Variants in MCFD2 observed in about 807,000 individuals in gnomAD.
MCFD2 encodes multiple coagulation factor deficiency 2, ER cargo receptor complex subunit.
A neutral mutation model predicts 12.8 loss-of-function variants in MCFD2; 11 were observed. The observed-to-expected ratio is 0.86, with a 90% CI of 0.54 to 1.42. The LOEUF is 1.42. Ranked by LOEUF, MCFD2 falls within the 40% of genes most tolerant of loss-of-function variation. The pLI, the probability that MCFD2 is intolerant of heterozygous loss-of-function variation, is 0.00. For missense variants in MCFD2, 191 were observed against 178.6 expected (o/e 1.07, Z -0.40); for synonymous variants, 70 against 68.1 (o/e 1.03, Z -0.14).
At chr2:46,938,331 T>C (rs1405930746) in intron 1 of MCFD2, among the ~76,000 whole-genome samples, 1 of 152,164 alleles carries the variant, frequency 6.6e-6, no homozygotes, top group African/African-American at 2.4e-5. Flanking sequence ...TTGATCACTA[T>C]TATACCTTTT....
At position 46,902,309 on chromosome 2, in the gene MCFD2, ACTT is replaced by A. The variant is rs1668046372; in HGVS notation, c.*3151_*3153del. ...TTCAACAATATCCCTCTTGACTAGAACTTCTATCTGATTAATCATTGTTTGGTG... is the reference window on the plus strand; with the variant it reads ...TTCAACAATATCCCTCTTGACTAGAACTATCTGATTAATCATTGTTTGGTG... On this transcript the variant is annotated 3_prime_UTR_variant, in exon 4 of 4. Coordinates refer to ENST00000319466, the MANE Select transcript of MCFD2 (RefSeq NM_139279.6). 6.5e-6 allele frequency: 1 copy of A among 152,678 alleles called. No homozygotes were observed. Among genetic ancestry groups the A allele is most frequent in the African/African-American group, 2.4e-5 (1 of 41,466 alleles). 9.5% of individuals were successfully genotyped at this position (152,678 alleles called of 1,614,324 possible). A position where few individuals can be genotyped will look rare whatever the true frequency, so the allele number is the denominator to read the frequency against.
rs910866772 is a variant in MCFD2, at chr2:46,908,744, T to C, written c.149+279A>G. 1 of 496,722 alleles carries C rather than the reference T, an allele frequency of 2.0e-6. No individual in the cohort carries two copies. The highest frequency in any genetic ancestry group is 3.7e-6 in the Non-Finnish European group (1 of 272,022). 30.8% of individuals were successfully genotyped at this position (496,722 alleles called of 1,614,324 possible). A position where few individuals can be genotyped will look rare whatever the true frequency, so the allele number is the denominator to read the frequency against. Reference sequence around the variant, plus strand: ...GTGTATGTGTACCTGTGTGTCTATTTGTATGTGTGTGTGTCTGTCTGTGGT... The same window carrying C: ...GTGTATGTGTACCTGTGTGTCTATTCGTATGTGTGTGTGTCTGTCTGTGGT... On this transcript the variant is annotated intron_variant, in intron 2 of 3. Transcript: ENST00000319466. The surrounding 1 kb of genome is among the most constrained non-coding windows in gnomAD (Gnocchi z 4.5).
At position 46,909,030 on chromosome 2, in the gene MCFD2, C is replaced by A; in HGVS notation, c.142G>T (p.Asp48Tyr). ...SMGLDKNTVHDQEHIMEHLEG... is the reference protein window; with the variant it reads ...SMGLDKNTVHYQEHIMEHLEG... ...CCCGGGCTGAATACGTACTCTTGGT[C>A]GTGCACTGTGTTCTTATCCAGGCCC... Residue 48 changes from aspartate to tyrosine, a missense_variant, in exon 2 of 4, where the codon GAC (aspartate) becomes TAC (tyrosine). By Grantham distance (160) the Asp-to-Tyr change is radical (BLOSUM62 -3). Transcript: ENST00000319466. 6.2e-7 allele frequency: 1 copy of A among 1,614,160 alleles called. No individual in the cohort carries two copies. The highest frequency in any genetic ancestry group is 1.1e-5 in the South Asian group (1 of 91,066).
rs1284851585 is a variant in MCFD2 at position 46,910,897 on chromosome 2, GAGCGT to G, written c.-6-1725_-6-1721del. ...CTCTACAAAAAATAAAAAATTAGCT[GAGCGT>G]AGCAGTGCACCCCTATAGTCCCAGC... On this transcript the variant is annotated intron_variant, in intron 1 of 3. Coordinates refer to ENST00000319466, the MANE Select transcript of MCFD2 (RefSeq NM_139279.6). 2.0e-5 allele frequency: 3 copies of G among 152,282 alleles called. No individual in the cohort carries two copies. The East Asian group carries it at 5.8e-4, about 29-fold the overall frequency. 9.4% of individuals were successfully genotyped at this position (152,282 alleles called of 1,614,324 possible). A position where few individuals can be genotyped will look rare whatever the true frequency, so the allele number is the denominator to read the frequency against.
chr2:46,908,786 C>T lies in MCFD2; in HGVS notation c.149+237G>A, dbSNP rs528658335. 122 of 565,756 alleles carry T rather than the reference C, an allele frequency of 2.2e-4. No homozygotes were observed. Among genetic ancestry groups the T allele is most frequent in the Non-Finnish European group, 3.2e-4 (101 of 316,716 alleles). 35.0% of individuals were successfully genotyped at this position (565,756 alleles called of 1,614,324 possible). On this transcript the variant is annotated intron_variant, in intron 2 of 3. Coordinates refer to ENST00000319466, the MANE Select transcript of MCFD2 (RefSeq NM_139279.6). This position sits in a 1 kb window ranked among gnomAD's most constrained non-coding sequence, Gnocchi z 4.5. ...GTCTGTGGTGAAAAAAAGGAGAGAC[C>T]GGATTCAGACAAGTAATGTGCCCCA...
upstream of MCFD2, among the ~76,000 whole-genome samples, chr2:46,917,008 G>C (rs1668836051): frequency 6.6e-6 from 1 of 151,986 alleles, no homozygotes; most frequent in African/African-American, 2.4e-5. Context: ...AATGAGCCTG[G>C]GTCCGGACAG....
intron 1 of MCFD2, among the ~76,000 whole-genome samples, chr2:46,926,551 A>G (rs72886673): frequency 5.8e-4 from 88 of 152,294 alleles, no homozygotes; most frequent in African/African-American, 1.8e-3. Context: ...CCGAATGTCA[A>G]TTGGTCTGAG....
rs559157260 is a variant in MCFD2 at position 46,907,114 on chromosome 2, A to G, written c.309+696T>C. 3.5e-4 allele frequency: 55 copies of G among 156,396 alleles called. No homozygotes were observed. The highest frequency in any genetic ancestry group is 1.2e-3 in the African/African-American group (49 of 41,602). The allele number at this position is 156,396 out of a possible 1,614,324, so 9.7% of individuals were successfully genotyped here. A position where few individuals can be genotyped will look rare whatever the true frequency, so the allele number is the denominator to read the frequency against. The stretch of plus-strand genomic sequence containing the variant: ...TTTGGAGCACCATACAGTATCACAC[A>G]AGCCCTCAATTACTGCCACGTCCCT... On this transcript the variant is annotated intron_variant, in intron 3 of 3. Transcript: ENST00000319466. The surrounding 1 kb of genome is among the most constrained non-coding windows in gnomAD (Gnocchi z 4.1).
chr2:46,927,279 A>G (rs1457679393), intron 1 of MCFD2, among the ~76,000 whole-genome samples: 1 of 152,156 alleles, frequency 6.6e-6, no homozygotes, highest in Non-Finnish European at 1.5e-5. Flanking sequence ...ATGAAAAGAA[A>G]CCTAAGCTAA....
chr2:46,914,227 C>T (rs1668600832), intron 1 of MCFD2: 1 of 152,316 alleles, frequency 6.6e-6, no homozygotes, highest in Admixed American at 6.5e-5. Flanking sequence ...CCCTTTCTTC[C>T]TGGTGTGTCA....
At chr2:46,932,873 C>T (rs1669782522) in intron 1 of MCFD2, among the ~76,000 whole-genome samples, 1 of 148,188 alleles carries the variant, frequency 6.7e-6, no homozygotes, top group South Asian at 2.1e-4. Context: ...TGCACTCCAG[C>T]CTGAGCAACA....
At position 46,915,805 on chromosome 2, in the gene MCFD2, C is replaced by CGGGGGGGGGGGGGGGGGGGGGGGGGGGGG; in HGVS notation, c.-90_-89insCCCCCCCCCCCCCCCCCCCCCCCCCCCCC. The CGGGGGGGGGGGGGGGGGGGGGGGGGGGGG allele has an allele frequency of 2.4e-5, 9 of 368,310 alleles. No homozygotes were observed. Among genetic ancestry groups the CGGGGGGGGGGGGGGGGGGGGGGGGGGGGG allele is most frequent in the Non-Finnish European group, 2.8e-5 (9 of 327,192 alleles). 22.8% of individuals were successfully genotyped at this position (368,310 alleles called of 1,614,324 possible). A position where few individuals can be genotyped will look rare whatever the true frequency, so the allele number is the denominator to read the frequency against. On this transcript the variant is annotated 5_prime_UTR_variant, in exon 1 of 4. Transcript: ENST00000319466. ...TCCCCAAAACGCTCTTCCTCGGCTT[C>CGGGGGGGGGGGGGGGGGGGGGGGGGGGGG]GCCCCGCCCCCCCCCCCCCCCCGAC...
chr2:46,939,109 C>G (rs1221755307), intron 1 of MCFD2, among the ~76,000 whole-genome samples: 1 of 151,888 alleles, frequency 6.6e-6, no homozygotes, highest in Non-Finnish European at 1.5e-5. Flanking sequence ...GATCCCGTCT[C>G]TACAAACAAA....
chr2:46,903,165 C>T lies in MCFD2; in HGVS notation c.*2298G>A, dbSNP rs1166253179. On this transcript the variant is annotated 3_prime_UTR_variant, in exon 4 of 4. Coordinates refer to ENST00000319466, the MANE Select transcript of MCFD2 (RefSeq NM_139279.6). Reference sequence around the variant, plus strand: ...GTGAATAAGTCTCATGAGATCTGATCAGTTTATCAGGGGTTTCTGCTTTTG... The same window carrying T: ...GTGAATAAGTCTCATGAGATCTGATTAGTTTATCAGGGGTTTCTGCTTTTG... 6.5e-6 allele frequency: 1 copy of T among 152,672 alleles called. No homozygotes were observed. The allele number at this position is 152,672 out of a possible 1,614,324, so 9.5% of individuals were successfully genotyped here.
Position 46,902,975 on chromosome 2 carries a change from C to T in MCFD2, c.*2488G>A, listed in dbSNP as rs1200468749. ...AGTCAAGTTCCTGAGTACTCAGCTCCAATTATCTAATATTCTTGAAAGGAT... is the reference window on the plus strand; with the variant it reads ...AGTCAAGTTCCTGAGTACTCAGCTCTAATTATCTAATATTCTTGAAAGGAT... On this transcript the variant is annotated 3_prime_UTR_variant, in exon 4 of 4. Transcript: ENST00000319466. The T allele has an allele frequency of 6.6e-6, 1 of 152,154 alleles. No homozygotes were observed. Among genetic ancestry groups the T allele is most frequent in the Non-Finnish European group, 1.5e-5 (1 of 68,038 alleles). The allele number at this position is 152,154 out of a possible 1,614,324, so 9.4% of individuals were successfully genotyped here. A position where few individuals can be genotyped will look rare whatever the true frequency, so the allele number is the denominator to read the frequency against.
chr2:46,915,700 G>T (rs1380315164), intron 1 of MCFD2, 23 bp downstream of exon 1: 26 of 919,276 alleles, frequency 2.8e-5, no homozygotes, highest in Non-Finnish European at 3.4e-5. Flanking sequence ...CGCCCGCTGC[G>T]GAGAGTGCGC....
intron 1 of MCFD2, among the ~76,000 whole-genome samples, chr2:46,935,122 C>T (rs1669910613): frequency 6.6e-6 from 1 of 152,028 alleles, no homozygotes; most frequent in South Asian, 2.1e-4. Flanking sequence ...TCTTTAAGGC[C>T]TTTGATTACT....
rs1008610827 is a variant in MCFD2 at position 46,940,124 on chromosome 2, G to T, written c.-8+1448C>A. On this transcript the variant is annotated intron_variant, in intron 1 of 2. Transcript: ENST00000409147. This position sits in a 1 kb window ranked among gnomAD's most constrained non-coding sequence, Gnocchi z 4.7. ...TGTGGCTTCATGTGAAAGGCCACAC[G>T]GGACTATGCACTAGGAGCCTGGGTT... is the stretch of plus-strand genomic sequence containing the variant. Among the ~76,000 whole-genome samples the T allele has an allele frequency of 2.0e-5, 3 of 152,018 alleles. No individual in the cohort carries two copies. The highest frequency in any genetic ancestry group is 7.2e-5 in the African/African-American group (3 of 41,390).
chr2:46,913,075 G>A (rs1313496492), intron 1 of MCFD2, among the ~76,000 whole-genome samples: 2 of 152,208 alleles, frequency 1.3e-5, no homozygotes, highest in African/African-American at 2.4e-5. Context: ...GATTAATCAT[G>A]TAGTAACTAT....
Sources: gnomAD v4.1 joint callset for allele counts (sites outside exome capture counted in the v4.1 genomes callset) on GRCh38, gnomAD v4.1.1 for gene constraint, Gnocchi (gnomAD v3.1) non-coding constraint, MANE v1.5 for transcripts, NCBI Gene and HGNC (gene_info 2026-07-23, HGNC 2026-07-21) for gene names.